Variants in MCU observed in about 807,000 individuals in gnomAD.
The protein encoded by MCU is mitochondrial calcium uniporter.
MCU carries 12 observed loss-of-function variants against 45.2 expected under a neutral mutation model. The ratio of observed to expected loss-of-function variants is 0.27; its 90% CI spans 0.17 to 0.43. The LOEUF (loss-of-function observed/expected upper bound fraction) is 0.43, where lower values mean the gene tolerates loss of function less well. Among genes scored for constraint, MCU ranks in the 20% least tolerant of loss-of-function variants. MCU has a pLI of 1.00. For missense variants in MCU, 324 were observed against 436.7 expected, an observed-to-expected ratio of 0.74 and a Z score of 2.30; for synonymous variants, 160 against 165.1, an observed-to-expected ratio of 0.97 and a Z score of 0.24.
chr10:72,788,638 T>C (rs938328159), intron 1 of MCU, among the ~76,000 whole-genome samples: 1 of 152,052 alleles, frequency 6.6e-6, no homozygotes, highest in African/African-American at 2.4e-5. Context: ...TGAGACCCTG[T>C]CTAAAAAAAC....
chr10:72,780,946 A>G (rs1364903629), intron 1 of MCU, among the ~76,000 whole-genome samples: 6 of 152,304 alleles, frequency 3.9e-5, no homozygotes, highest in African/African-American at 1.2e-4. Context: ...ACATTGTGAT[A>G]CCCGTTTAGT....
At chr10:72,777,005 G>A (rs980692623) in intron 1 of MCU, among the ~76,000 whole-genome samples, 10 of 152,066 alleles carry the variant, frequency 6.6e-5, no homozygotes, top group Admixed American at 1.3e-4. Flanking sequence ...AACTGAATAA[G>A]TAAAAGATCA....
intron 1 of MCU, among the ~76,000 whole-genome samples, chr10:72,833,552 T>G (rs1844910948): frequency 6.6e-6 from 1 of 152,224 alleles, no homozygotes; most frequent in African/African-American, 2.4e-5. Context: ...GAATGGAATA[T>G]GTCAGGCCTG....
intron 1 of MCU, among the ~76,000 whole-genome samples, chr10:72,727,654 G>A (rs1040519967): frequency 3.3e-5 from 5 of 152,056 alleles, no homozygotes; most frequent in Non-Finnish European, 7.4e-5. Context: ...GTATGTATTT[G>A]TGTAGCAGTA....
At chr10:72,772,791 G>A (rs978540046) in intron 1 of MCU, among the ~76,000 whole-genome samples, 1 of 152,152 alleles carries the variant, frequency 6.6e-6, no homozygotes, top group Non-Finnish European at 1.5e-5. Flanking sequence ...AGAAACAACA[G>A]GAAATCATGA....
At chr10:72,747,285 A>G (rs1266601397) in intron 1 of MCU, among the ~76,000 whole-genome samples, 4 of 152,242 alleles carry the variant, frequency 2.6e-5, no homozygotes, top group Admixed American at 1.3e-4. Flanking sequence ...TACTTAATGC[A>G]TTCTTGGAGG....
At chr10:72,766,389 T>TA (rs1843726938) in intron 1 of MCU, among the ~76,000 whole-genome samples, 1 of 152,322 alleles carries the variant, frequency 6.6e-6, no homozygotes, top group East Asian at 1.9e-4. Flanking sequence ...GCAGTTCAGA[T>TA]ATCAGCTTTT....
chr10:72,800,665 G>A (rs1327845231), intron 1 of MCU, among the ~76,000 whole-genome samples: 2 of 152,156 alleles, frequency 1.3e-5, no homozygotes, highest in Non-Finnish European at 2.9e-5. Context: ...CAAACATCCT[G>A]TAACAGAATA....
Position 72,752,189 on chromosome 10 carries a change from G to A in MCU, c.150+59888G>A, listed in dbSNP as rs7915750. Among the ~76,000 whole-genome samples, 495 of 151,812 alleles carry A rather than the reference G, an allele frequency of 3.3e-3. 2 individuals carry two copies. Among genetic ancestry groups the A allele is most frequent in the African/African-American group, 0.011 (475 of 41,382 alleles). On this transcript the variant is annotated intron_variant, in intron 1 of 7. Coordinates refer to ENST00000373053, the MANE Select transcript of MCU (RefSeq NM_138357.3). ...GTCTATTTGAAGTCAACCCTTAGGA[G>A]ATAATACTTTTCACGCATTATCTCA... is the stretch of plus-strand genomic sequence containing the variant.
At chr10:72,810,634 GGTTGTT>G (rs71021536) in intron 1 of MCU, among the ~76,000 whole-genome samples, 39 of 146,880 alleles carry the variant, frequency 2.7e-4, no homozygotes, top group African/African-American at 3.8e-4. Context: ...CGCCCAGCTA[GGTTGTT>G]GTTGTTGTTG....
chr10:72,723,279 G>A (rs1243406834), intron 1 of MCU, among the ~76,000 whole-genome samples: 3 of 152,066 alleles, frequency 2.0e-5, no homozygotes, highest in Non-Finnish European at 2.9e-5. Context: ...TTGTCAGAAC[G>A]AAGATTAAAT....
chr10:72,881,744 G>A (rs1033651243), intron 6 of MCU, among the ~76,000 whole-genome samples: 2 of 152,164 alleles, frequency 1.3e-5, no homozygotes, highest in African/African-American at 4.8e-5. Context: ...ATATGCAAAT[G>A]GCCAATAATA....
chr10:72,756,797 C>T (rs937111136), intron 1 of MCU: 1 of 152,088 alleles, frequency 6.6e-6, no homozygotes, highest in Non-Finnish European at 1.5e-5. Flanking sequence ...TCCCTGCCCC[C>T]TGCTGCCATC....
chr10:72,883,981 T>G (rs1589513844), intron 6 of MCU, among the ~76,000 whole-genome samples: 1 of 152,222 alleles, frequency 6.6e-6, no homozygotes. Context: ...TATGAGTAAT[T>G]GGGAAGGGGC....
chr10:72,748,002 G>A (rs1843438398), intron 1 of MCU, among the ~76,000 whole-genome samples: 1 of 150,820 alleles, frequency 6.6e-6, no homozygotes. Flanking sequence ...AAATTAATGA[G>A]TTACATCCTT....
intron 2 of MCU, among the ~76,000 whole-genome samples, chr10:72,840,947 G>T (rs1327541611): frequency 6.6e-6 from 1 of 152,144 alleles, no homozygotes; most frequent in Non-Finnish European, 1.5e-5. Flanking sequence ...AAATTGGAAA[G>T]ACCTTTAAGC....
chr10:72,879,943 G>A (rs1191553528), intron 6 of MCU, among the ~76,000 whole-genome samples: 1 of 152,146 alleles, frequency 6.6e-6, no homozygotes, highest in African/African-American at 2.4e-5. Flanking sequence ...AACTACTGGG[G>A]AGGTTGAGGC....
chr10:72,851,402 A>G (rs1432084719), intron 2 of MCU, among the ~76,000 whole-genome samples: 2 of 152,186 alleles, frequency 1.3e-5, no homozygotes, highest in East Asian at 3.8e-4. Flanking sequence ...ACTGCAATAG[A>G]GAAAGAGTTT....
chr10:72,837,860 T>TG (rs1844977448), intron 2 of MCU, among the ~76,000 whole-genome samples: 1 of 148,312 alleles, frequency 6.7e-6, no homozygotes, highest in African/African-American at 2.6e-5. Context: ...ATACTGGTTT[T>TG]TTTTTTTTTT....
Sources: gnomAD v4.1 joint callset for allele counts (sites outside exome capture counted in the v4.1 genomes callset) on GRCh38, gnomAD v4.1.1 for gene constraint, MANE v1.5 for transcripts, NCBI Gene and HGNC (gene_info 2026-07-23, HGNC 2026-07-21) for gene names.